CTNNA3: variants seen among roughly 807,000 people sequenced by gnomAD.
CTNNA3 encodes the protein catenin alpha 3.
CTNNA3 carries 76 observed loss-of-function variants against 95.7 expected under a neutral mutation model. That is an observed-to-expected ratio of 0.79 (90% confidence interval 0.66 to 0.96). The LOEUF is 0.96. CTNNA3 is among the 40% of genes least tolerant of loss of function. CTNNA3 has a pLI of 0.00. For synonymous variants in CTNNA3, 431 were observed against 374.4 expected (o/e 1.15, Z -1.74); for missense variants, 1,191 against 1,089.8 (o/e 1.09, Z -1.31).
At chr10:67,162,216 ATTATTT>A (rs1184811456) in intron 7 of CTNNA3, among the ~76,000 whole-genome samples, 1 of 151,990 alleles carries the variant, frequency 6.6e-6, no homozygotes, top group African/African-American at 2.4e-5. Flanking sequence ...ACCTAACAAC[ATTATTT>A]TTAAGTTTTT....
intron 5 of CTNNA3, among the ~76,000 whole-genome samples, chr10:67,303,967 A>G (rs1840432755): frequency 6.6e-6 from 1 of 152,102 alleles, no homozygotes. Flanking sequence ...TTTATAAGCT[A>G]TATTTCTTTA....
At chr10:65,960,675 C>G (rs2077825405) in intron 17 of CTNNA3, among the ~76,000 whole-genome samples, 1 of 152,226 alleles carries the variant, frequency 6.6e-6, no homozygotes, top group Non-Finnish European at 1.5e-5. Context: ...ACCCCTCTCC[C>G]TCTTACCTTT....
At chr10:66,153,504 C>A (rs2084314721) in intron 13 of CTNNA3, among the ~76,000 whole-genome samples, 1 of 151,900 alleles carries the variant, frequency 6.6e-6, no homozygotes, top group Non-Finnish European at 1.5e-5. Flanking sequence ...GTTCTTTTAG[C>A]CTTAGCTGCA....
chr10:66,056,653 C>T (rs1903884), intron 15 of CTNNA3, among the ~76,000 whole-genome samples: 80,486 of 151,916 alleles, frequency 0.53, 21,728 homozygotes, highest in South Asian at 0.59. Context: ...GTGAAGCCAT[C>T]AGCTTTTAGC....
intron 10 of CTNNA3, among the ~76,000 whole-genome samples, chr10:66,555,228 G>T (rs1428405512): frequency 6.6e-6 from 1 of 152,064 alleles, no homozygotes. Flanking sequence ...CAAAGTTGTG[G>T]TGATCTTCCC....
intron 5 of CTNNA3, among the ~76,000 whole-genome samples, chr10:67,442,687 T>C (rs761630821): frequency 2.0e-5 from 3 of 151,990 alleles, no homozygotes; most frequent in Non-Finnish European, 4.4e-5. Flanking sequence ...AAATTGTAAA[T>C]ATATATGCAC....
intron 11 of CTNNA3, among the ~76,000 whole-genome samples, chr10:66,429,983 T>C (rs765252833): frequency 6.8e-5 from 10 of 146,824 alleles, no homozygotes; most frequent in Non-Finnish European, 1.2e-4. Flanking sequence ...GCAGATGACA[T>C]GATTGTATAT....
At chr10:67,228,667 A>C (rs1865047672) in intron 5 of CTNNA3, among the ~76,000 whole-genome samples, 1 of 152,206 alleles carries the variant, frequency 6.6e-6, no homozygotes, top group Non-Finnish European at 1.5e-5. Flanking sequence ...ACTGAAATAC[A>C]AAAGATCATT....
intron 15 of CTNNA3, among the ~76,000 whole-genome samples, chr10:66,015,961 T>C (rs1320992502): frequency 6.6e-6 from 1 of 152,118 alleles, no homozygotes; most frequent in Non-Finnish European, 1.5e-5. Context: ...CAAATAAACC[T>C]CTATGTGCTT....
chr10:66,585,481 T>C (rs1375390518), intron 10 of CTNNA3, among the ~76,000 whole-genome samples: 1 of 151,896 alleles, frequency 6.6e-6, no homozygotes, highest in African/African-American at 2.4e-5. Flanking sequence ...GTCTAATCTA[T>C]TTTAAAAGCT....
intron 15 of CTNNA3, among the ~76,000 whole-genome samples, chr10:66,002,674 G>A (rs1039675352): frequency 6.6e-6 from 1 of 152,062 alleles, no homozygotes; most frequent in African/African-American, 2.4e-5. Context: ...GTCCCCTAAG[G>A]CTCCAGAACC....
chr10:67,305,569 T>C (rs1840520020), intron 5 of CTNNA3, among the ~76,000 whole-genome samples: 1 of 152,030 alleles, frequency 6.6e-6, no homozygotes, highest in South Asian at 2.1e-4. Flanking sequence ...ATATTTTCCT[T>C]TTTAAAAGGT....
At chr10:67,350,604 C>T (rs1035411273) in intron 5 of CTNNA3, among the ~76,000 whole-genome samples, 1 of 147,850 alleles carries the variant, frequency 6.8e-6, no homozygotes, top group African/African-American at 2.5e-5. Context: ...AAAAACCCAC[C>T]ACCAACAACA....
At chr10:66,730,394 G>A (rs529086138) in intron 9 of CTNNA3, among the ~76,000 whole-genome samples, 14 of 152,266 alleles carry the variant, frequency 9.2e-5, no homozygotes, top group Admixed American at 3.9e-4. Flanking sequence ...AGTGGGAGCT[G>A]AATGATGAGA....
rs180895760 is a variant in CTNNA3, at chr10:67,657,678, T to G, written c.-5-10160A>C. ...CTGGCCAACATAGTGAAATCCTGTC[T>G]CTAATAAAAATTTAAAATATTAGCC... is the stretch of plus-strand genomic sequence containing the variant. On this transcript the variant is annotated intron_variant, in intron 1 of 17. Transcript: ENST00000433211. Among the ~76,000 whole-genome samples, 176 of 151,764 alleles carry G rather than the reference T, an allele frequency of 1.2e-3. 1 individual carries two copies. The highest frequency in any genetic ancestry group is 4.0e-3 in the African/African-American group (164 of 41,394).
chr10:66,740,696 T>A (rs1303227846), intron 9 of CTNNA3, among the ~76,000 whole-genome samples: 2 of 152,238 alleles, frequency 1.3e-5, no homozygotes, highest in African/African-American at 2.4e-5. Context: ...TGCAATTGAC[T>A]TGCCTCTCTT....
At chr10:66,490,791 T>C (rs529131197) in intron 11 of CTNNA3, among the ~76,000 whole-genome samples, 1 of 152,220 alleles carries the variant, frequency 6.6e-6, no homozygotes, top group Non-Finnish European at 1.5e-5. Flanking sequence ...CCTCTATGCA[T>C]GAGGAAGCAA....
intron 4 of CTNNA3, among the ~76,000 whole-genome samples, chr10:67,529,823 T>G (rs867774124): frequency 1.3e-5 from 2 of 152,280 alleles, no homozygotes; most frequent in South Asian, 4.1e-4. Context: ...TTGGCTGTGT[T>G]CCCACCCAAA....
intron 9 of CTNNA3, among the ~76,000 whole-genome samples, chr10:66,710,351 A>G (rs1229833291): frequency 6.6e-6 from 1 of 152,140 alleles, no homozygotes; most frequent in Non-Finnish European, 1.5e-5. Context: ...GAAATTTAAA[A>G]GAGTCAAGAC....
Sources: allele counts gnomAD v4.1 joint callset (sites outside exome capture counted in the v4.1 genomes callset), GRCh38; gene constraint gnomAD v4.1.1; transcripts MANE v1.5; gene names NCBI Gene and HGNC (gene_info 2026-07-23, HGNC 2026-07-21).